CEP290: variants seen among roughly 807,000 people sequenced by gnomAD.
CEP290 encodes centrosomal protein of 290 kDa.
Under a neutral mutation model 344.9 loss-of-function variants are expected in CEP290, and 317 were observed. The ratio of observed to expected loss-of-function variants is 0.92; its 90% CI spans 0.84 to 1.01. The LOEUF (loss-of-function observed/expected upper bound fraction) is 1.01, where lower values mean the gene tolerates loss of function less well. Among genes scored for constraint, CEP290 ranks in the 50% least tolerant of loss-of-function variants. The probability of loss-of-function intolerance (pLI) is 0.00; values close to 1 mark genes in which losing one functional copy is unlikely to be tolerated. For synonymous variants in CEP290, 932 were observed against 895.8 expected, an observed-to-expected ratio of 1.04 and a Z score of -0.72; for missense variants, 2,754 against 2,761.4, an observed-to-expected ratio of 1.00 and a Z score of 0.06.
Position 88,077,792 on chromosome 12 carries a change from T to C in CEP290, c.5491A>G (p.Lys1831Glu). Residue 1831 changes from lysine to glutamate, a missense_variant, in exon 40 of 54, where the codon AAA becomes GAA. Coordinates refer to ENST00000552810, the MANE Select transcript of CEP290 (RefSeq NM_025114.4). ...DLNNELQKKQ[K>E]AYNKILREKE... ...TCTCTAAGTATTTTATTATAGGCTT[T>C]TTGTTTCTTTTGCAGTTCATTATTT... The C allele has an allele frequency of 6.4e-7, 1 of 1,565,462 alleles. No individual in the cohort carries two copies. The highest frequency in any genetic ancestry group is 2.3e-5 in the East Asian group (1 of 44,096).
chr12:88,110,635 G>C (rs188468879), intron 22 of CEP290, among the ~76,000 whole-genome samples: 1 of 152,118 alleles, frequency 6.6e-6, no homozygotes, highest in Non-Finnish European at 1.5e-5. Context: ...CTTAAACTCA[G>C]GAGGTGGAAG....
rs968291010 is a variant in CEP290, at chr12:88,111,621, A to C, written c.2217+73T>G. 7 of 1,303,758 alleles carry C rather than the reference A, an allele frequency of 5.4e-6. No homozygotes were observed. In the Admixed American group the frequency reaches 8.8e-5, roughly 16 times the overall value. The allele number at this position is 1,303,758 out of a possible 1,614,324, so 80.8% of individuals were successfully genotyped here. A position where few individuals can be genotyped will look rare whatever the true frequency, so the allele number is the denominator to read the frequency against. On this transcript the variant is annotated intron_variant, in intron 21 of 53. Coordinates refer to ENST00000552810, the MANE Select transcript of CEP290 (RefSeq NM_025114.4). ...CATTTTCTCATAAAGCATTCTTTTT[A>C]AAAAATTAAAAATTTCCTATTAAAT...
chr12:88,078,815 T>TA (rs977201833), intron 39 of CEP290, among the ~76,000 whole-genome samples: 2 of 151,844 alleles, frequency 1.3e-5, no homozygotes, highest in Non-Finnish European at 2.9e-5. Flanking sequence ...AATAAAGTCT[T>TA]AAAAAAAATC....
rs748258476 is a variant in CEP290, at chr12:88,060,823, A to AG, written c.6522+6_6522+7insC. The AG allele has an allele frequency of 1.3e-6, 2 of 1,515,580 alleles. No homozygotes were observed. The highest frequency in any genetic ancestry group is 1.8e-6 in the Non-Finnish European group (2 of 1,135,078). The allele number at this position is 1,515,580 out of a possible 1,614,324, so 93.9% of individuals were successfully genotyped here. On this transcript the variant is annotated splice_region_variant and intron_variant, in intron 47 of 53. Transcript: ENST00000552810. ...CCCCTAAAAATGATCACATTAAAAA[A>AG]AATTACCTTCAATTTTTCATTTTCC...
At chr12:88,114,704 C>A in intron 19 of CEP290, 142 bp from the exon 20 acceptor site, 2 of 740,788 alleles carry the variant, frequency 2.7e-6, no homozygotes, top group Non-Finnish European at 4.1e-6. Context: ...AAAAATTCAA[C>A]TATAAATCCA....
At chr12:88,116,789 A>T (rs1386379180) in intron 18 of CEP290, among the ~76,000 whole-genome samples, 1 of 151,882 alleles carries the variant, frequency 6.6e-6, no homozygotes, top group African/African-American at 2.4e-5. Flanking sequence ...CCCGGCTAAA[A>T]CGGTGAAACC....
chr12:88,113,224 G>A (rs1208438141), intron 20 of CEP290, among the ~76,000 whole-genome samples: 3 of 152,044 alleles, frequency 2.0e-5, no homozygotes, highest in Non-Finnish European at 4.4e-5. Context: ...TTTTCATTTG[G>A]TCACTAAGTA....
Position 88,053,680 on chromosome 12 carries a change from G to T in CEP290, c.7101C>A (p.Asp2367Glu). The change falls in exon 52 of 54, where the codon GAC becomes GAA. Residue 2367 changes from aspartate to glutamate, a missense_variant. Asp to Glu is a conservative substitution (Grantham distance 45). Transcript: ENST00000552810. ...ELIHQIEANK[D>E]QSGAESTIPD... ...GTATGGTGCTTTCAGCTCCACTTTGGTCCTTGTTAGCTTCTATCTGATGGA... is the reference window on the plus strand; with the variant it reads ...GTATGGTGCTTTCAGCTCCACTTTGTTCCTTGTTAGCTTCTATCTGATGGA... The T allele has an allele frequency of 6.5e-7, 1 of 1,547,296 alleles. No homozygotes were observed. The highest frequency in any genetic ancestry group is 8.8e-7 in the Non-Finnish European group (1 of 1,141,930).
intron 13 of CEP290, 147 bp downstream of exon 13, chr12:88,125,099 T>C: frequency 3.5e-6 from 1 of 284,264 alleles, no homozygotes; most frequent in Admixed American, 5.2e-5. Flanking sequence ...GTAATATAAG[T>C]ATAATAATAA....
intron 4 of CEP290, 130 bp downstream of exon 4, chr12:88,139,365 A>G (rs1326941726): frequency 3.7e-6 from 2 of 535,406 alleles, no homozygotes; most frequent in Non-Finnish European, 5.8e-6. Flanking sequence ...AATATTTATT[A>G]TTAAATGTTA....
rs550171262 is a variant in CEP290 at position 88,054,529 on chromosome 12, T to C, written c.6961-116A>G. On this transcript the variant is annotated intron_variant, in intron 50 of 53. Transcript: ENST00000552810. ...AAAATATGGTTTTCAAAAGCACGCATAGGCAAATTTCTATGTTCTATTCAC... is the reference window on the plus strand; with the variant it reads ...AAAATATGGTTTTCAAAAGCACGCACAGGCAAATTTCTATGTTCTATTCAC... The C allele has an allele frequency of 4.5e-4, 337 of 741,202 alleles. 5 individuals are homozygous for C. In the South Asian group the frequency reaches 4.6e-3, roughly 10 times the overall value. 45.9% of individuals were successfully genotyped at this position (741,202 alleles called of 1,614,324 possible).
At chr12:88,110,233 C>T (rs568005799) in intron 22 of CEP290, among the ~76,000 whole-genome samples, 73 of 152,024 alleles carry the variant, frequency 4.8e-4, no homozygotes, top group African/African-American at 1.7e-3. Context: ...TATAGATAGT[C>T]AAATTTCAAA....
chr12:88,071,390 T>A lies in CEP290; in HGVS notation c.5915A>T (p.Asp1972Val), dbSNP rs1336078273. 6.2e-7 allele frequency: 1 copy of A among 1,611,976 alleles called. No homozygotes were observed. Reference sequence around the variant, plus strand: ...CAAAGCTCGTATTCCCAAAACCTGATCAACAGTCATGCCAGTTGTTTTTAG... The same window carrying A: ...CAAAGCTCGTATTCCCAAAACCTGAACAACAGTCATGCCAGTTGTTTTTAG... The part of the protein sequence containing the change: ...RKLKTTGMTV[D>V]QVLGIRALES... The change falls in exon 43 of 54, where the codon GAT becomes GTT. Residue 1972 changes from aspartate (D) to valine (V), a missense_variant. Coordinates refer to ENST00000552810, the MANE Select transcript of CEP290 (RefSeq NM_025114.4).
chr12:88,055,772 T>C (rs1051786139), intron 49 of CEP290, 55 bp from the exon 50 acceptor site: 18 of 1,228,736 alleles, frequency 1.5e-5, no homozygotes, highest in Non-Finnish European at 1.9e-5. Context: ...TGTCACTGAT[T>C]TAAAAGTCAG....
Position 88,114,558 on chromosome 12 carries a change from T to C in CEP290, c.1914A>G (p.Lys638=). 1 of 1,537,910 alleles carries C rather than the reference T, an allele frequency of 6.5e-7. No homozygotes were observed. Among genetic ancestry groups the C allele is most frequent in the Non-Finnish European group, 8.8e-7 (1 of 1,140,966 alleles). Reference sequence around the variant, plus strand: ...GTTGCTTATTTTCTTCAACTAATTCTTTTACTGTAATTACACAGTTTTCTC... The same window carrying C: ...GTTGCTTATTTTCTTCAACTAATTCCTTTACTGTAATTACACAGTTTTCTC... ...TVIAKFQNKL[K]ELVEENKQLE... The change falls in exon 20 of 54, where the codon AAA becomes AAG. Residue 638 remains lysine (K), a synonymous_variant. Transcript: ENST00000552810.
chr12:88,071,498 T>C, intron 42 of CEP290, 49 bp from the exon 43 acceptor site: 1 of 1,476,694 alleles, frequency 6.8e-7, no homozygotes, highest in South Asian at 1.3e-5. Context: ...AGTGTTTGGC[T>C]TTTCAATTGC....
intron 53 of CEP290, chr12:88,049,846 G>A (rs1440513644): frequency 6.4e-6 from 1 of 157,082 alleles, no homozygotes. Context: ...TTTTTATAAA[G>A]TTATTAATAT....
rs761569725 is a variant in CEP290, at chr12:88,107,021, T to A, written c.2561A>T (p.Asp854Val). ...KRKLEDQVQQ[D>V]AIKVKEYNNL... ...ATTATATTCTTTTACTTTTATAGCA[T>A]CTTGTTGGACTTGATCCTCAAGTTT... The change falls in exon 24 of 54, where the codon GAT becomes GTT. Residue 854 changes from aspartate to valine, a missense_variant. Asp to Val is a radical substitution (Grantham distance 152). Transcript: ENST00000552810. 6.4e-7 allele frequency: 1 copy of A among 1,553,094 alleles called. No homozygotes were observed. The highest frequency in any genetic ancestry group is 1.4e-5 in the African/African-American group (1 of 72,932).
intron 39 of CEP290, among the ~76,000 whole-genome samples, chr12:88,078,393 C>G (rs907862360): frequency 6.6e-6 from 1 of 151,966 alleles, no homozygotes; most frequent in Non-Finnish European, 1.5e-5. Context: ...AAAGGAGTTC[C>G]TAGCTGTCCT....
Sources: allele counts gnomAD v4.1 joint callset (sites outside exome capture counted in the v4.1 genomes callset), GRCh38; gene constraint gnomAD v4.1.1; transcripts MANE v1.5; gene names NCBI Gene and HGNC (gene_info 2026-07-23, HGNC 2026-07-21).